RUNX1: variants seen among roughly 807,000 people sequenced by gnomAD.
RUNX1 encodes RUNX family transcription factor 1.
A neutral mutation model predicts 42.8 loss-of-function variants in RUNX1; 19 were observed. The ratio of observed to expected loss-of-function variants is 0.44; its 90% CI spans 0.31 to 0.65. The LOEUF is 0.65. Among genes scored for constraint, RUNX1 ranks in the 30% least tolerant of loss-of-function variants. RUNX1 has a pLI of 0.07. For synonymous variants in RUNX1, 271 were observed against 289.4 expected (o/e 0.94, Z 0.64); for missense variants, 528 against 672.0 (o/e 0.79, Z 2.37).
intron 5 of RUNX1, among the ~76,000 whole-genome samples, chr21:34,862,505 TGGCAGCA>T (rs1569064462): frequency 2.0e-5 from 3 of 152,138 alleles, no homozygotes; most frequent in Admixed American, 6.5e-5. Flanking sequence ...CAAATCAAGG[TGGCAGCA>T]GGGCCACACT....
chr21:34,813,766 C>T (rs2056788769), intron 7 of RUNX1, among the ~76,000 whole-genome samples: 1 of 152,058 alleles, frequency 6.6e-6, no homozygotes, highest in South Asian at 2.1e-4. Context: ...TCACCGTCAA[C>T]ATTACTTAAG....
At chr21:34,988,230 G>A (rs1304976140) in intron 2 of RUNX1, among the ~76,000 whole-genome samples, 1 of 152,174 alleles carries the variant, frequency 6.6e-6, no homozygotes, top group Non-Finnish European at 1.5e-5. Context: ...GGTGCCCCTG[G>A]GGTCAGTACG....
chr21:34,924,184 T>C (rs2058375533), intron 2 of RUNX1, among the ~76,000 whole-genome samples: 3 of 152,220 alleles, frequency 2.0e-5, no homozygotes, highest in Non-Finnish European at 4.4e-5. Context: ...TCCTGTCCCT[T>C]TGCTAGGCCC....
At position 34,874,985 on chromosome 21, in the gene RUNX1, G is replaced by C. The variant is rs547647426; in HGVS notation, c.508+5572C>G. 2.9e-4 allele frequency among the ~76,000 whole-genome samples: 44 copies of C among 152,342 alleles called. 1 individual carries two copies. Among genetic ancestry groups the C allele is most frequent in the Admixed American group, 7.8e-4 (12 of 15,312 alleles). On this transcript the variant is annotated intron_variant, in intron 5 of 8. Transcript: ENST00000675419. ...ACACAAGCCGGCTGGCAAGGAAGGGGTTGAGGGTGGGTGGAGAGAAGTACA... is the reference window on the plus strand; with the variant it reads ...ACACAAGCCGGCTGGCAAGGAAGGGCTTGAGGGTGGGTGGAGAGAAGTACA...
At chr21:34,936,155 T>C (rs954526708) in intron 2 of RUNX1, among the ~76,000 whole-genome samples, 2 of 148,846 alleles carry the variant, frequency 1.3e-5, no homozygotes, top group African/African-American at 5.0e-5. Flanking sequence ...AATTTATGAC[T>C]CAAGTGCTGT....
intron 2 of RUNX1, among the ~76,000 whole-genome samples, chr21:34,910,902 C>G (rs1007881860): frequency 2.6e-5 from 4 of 152,028 alleles, no homozygotes; most frequent in African/African-American, 9.7e-5. Flanking sequence ...TCCCAAGTAG[C>G]TAGGACTACA....
intron 5 of RUNX1, among the ~76,000 whole-genome samples, chr21:34,862,439 G>A (rs1053282783): frequency 6.6e-6 from 1 of 152,154 alleles, no homozygotes; most frequent in Non-Finnish European, 1.5e-5. Context: ...ATCACAAACT[G>A]GGTGGCTTAC....
At chr21:34,858,045 T>C (rs2057519996) in intron 6 of RUNX1, among the ~76,000 whole-genome samples, 1 of 151,576 alleles carries the variant, frequency 6.6e-6, no homozygotes. Flanking sequence ...GCACAGCAAA[T>C]GGAAGGAAGG....
intron 6 of RUNX1, among the ~76,000 whole-genome samples, chr21:34,849,387 TA>T (rs2057377372): frequency 1.9e-5 from 1 of 51,752 alleles, no homozygotes; most frequent in African/African-American, 7.5e-5. Context: ...ATACATAGTA[TA>T]TATAATATAT....
chr21:35,038,609 C>CTGTGTGTGTGTG (rs1378631914), intron 2 of RUNX1: 8 of 283,876 alleles, frequency 2.8e-5, no homozygotes, highest in African/African-American at 1.6e-4. Context: ...CTCTCTCTCT[C>CTGTGTGTGTGTG]TCTCTGTGTG....
At chr21:35,003,818 T>C (rs538731860) in intron 2 of RUNX1, among the ~76,000 whole-genome samples, 4 of 152,282 alleles carry the variant, frequency 2.6e-5, no homozygotes, top group African/African-American at 9.6e-5. Flanking sequence ...GTGCCTAAAA[T>C]GAGCACTGTG....
intron 7 of RUNX1, among the ~76,000 whole-genome samples, chr21:34,814,324 G>T (rs887888225): frequency 6.6e-6 from 1 of 152,114 alleles, no homozygotes; most frequent in Non-Finnish European, 1.5e-5. Flanking sequence ...AGGTGGTCGT[G>T]GGGAGGAGGA....
chr21:34,842,695 G>C (rs2057257153), intron 6 of RUNX1, among the ~76,000 whole-genome samples: 1 of 151,962 alleles, frequency 6.6e-6, no homozygotes, highest in African/African-American at 2.4e-5. Flanking sequence ...CAAAAACACA[G>C]ATGGCACACA....
At chr21:34,884,468 C>T in intron 4 of RUNX1, among the ~76,000 whole-genome samples, 1 of 152,154 alleles carries the variant, frequency 6.6e-6, no homozygotes, top group East Asian at 1.9e-4. Context: ...TACTGGTTAA[C>T]TTCCTAGGGA....
intron 2 of RUNX1, among the ~76,000 whole-genome samples, chr21:34,952,720 C>T (rs2146675091): frequency 6.6e-6 from 1 of 152,200 alleles, no homozygotes; most frequent in African/African-American, 2.4e-5. Context: ...AACCAAGATG[C>T]ATAGGTCTGT....
At chr21:35,025,759 C>A (rs1206227861) in intron 2 of RUNX1, among the ~76,000 whole-genome samples, 1 of 151,980 alleles carries the variant, frequency 6.6e-6, no homozygotes, top group Non-Finnish European at 1.5e-5. Context: ...GAGAGGTGTG[C>A]GGAGTGATTG....
At chr21:35,016,824 T>C (rs2059162239) in intron 2 of RUNX1, among the ~76,000 whole-genome samples, 1 of 152,070 alleles carries the variant, frequency 6.6e-6, no homozygotes, top group Non-Finnish European at 1.5e-5. Context: ...ATTAGCCTAC[T>C]GAAGAGCCTG....
chr21:34,867,976 T>G (rs1278016078), intron 5 of RUNX1, among the ~76,000 whole-genome samples: 2 of 152,132 alleles, frequency 1.3e-5, no homozygotes, highest in Non-Finnish European at 2.9e-5. Flanking sequence ...CCTAGCCGGG[T>G]GCCTCAAACA....
rs771005860 is a variant in RUNX1 at position 34,838,361 on chromosome 21, C to T, written c.614-3760G>A. Among the ~76,000 whole-genome samples the T allele has an allele frequency of 4.4e-4, 67 of 151,938 alleles. 1 individual carries two copies. Among genetic ancestry groups the T allele is most frequent in the South Asian group, 2.1e-4 (1 of 4,822 alleles). On this transcript the variant is annotated intron_variant, in intron 6 of 8. Coordinates refer to ENST00000675419, the MANE Select transcript of RUNX1 (RefSeq NM_001754.5). ...TCAACAACATATTAGTCTATGTTTC[C>T]GATATGGGTTTACTAGTTTTCTTGA...
Sources: gnomAD v4.1 joint callset for allele counts (sites outside exome capture counted in the v4.1 genomes callset) on GRCh38, gnomAD v4.1.1 for gene constraint, MANE v1.5 for transcripts, NCBI Gene and HGNC (gene_info 2026-07-23, HGNC 2026-07-21) for gene names.